MAST4: variants seen among roughly 807,000 people sequenced by gnomAD.
MAST4 encodes the protein microtubule-associated serine/threonine-protein kinase 4.
Under a neutral mutation model 162.7 loss-of-function variants are expected in MAST4, and 89 were observed. The observed-to-expected ratio is 0.55, with a 90% CI of 0.46 to 0.65. The LOEUF (loss-of-function observed/expected upper bound fraction) is 0.65. MAST4 is among the 30% of genes least tolerant of loss of function. The pLI, the probability that MAST4 is intolerant of heterozygous loss-of-function variation, is 0.00. For missense variants in MAST4, 3,153 were observed against 3,374.0 expected, an observed-to-expected ratio of 0.93 and a Z score of 1.62; for synonymous variants, 1,479 against 1,361.1, an observed-to-expected ratio of 1.09 and a Z score of -1.91.
intron 4 of MAST4, among the ~76,000 whole-genome samples, chr5:66,942,417 T>A (rs1196129511): frequency 6.6e-6 from 1 of 152,176 alleles, no homozygotes; most frequent in African/African-American, 2.4e-5. Context: ...GGAATCCCAG[T>A]TAGGTTTCTT....
intron 1 of MAST4, among the ~76,000 whole-genome samples, chr5:66,717,221 G>A (rs914581333): frequency 1.3e-5 from 2 of 152,158 alleles, no homozygotes; most frequent in Non-Finnish European, 2.9e-5. Context: ...CTTGGAGGTG[G>A]AGAGGAGGGA....
intron 4 of MAST4, among the ~76,000 whole-genome samples, chr5:67,003,066 C>G (rs146652883): frequency 6.6e-6 from 1 of 150,698 alleles, no homozygotes; most frequent in Non-Finnish European, 1.5e-5. Flanking sequence ...GAAACTGCTC[C>G]GGAGCACAGG....
intron 26 of MAST4, among the ~76,000 whole-genome samples, chr5:67,159,333 T>G (rs1401449683): frequency 6.6e-6 from 1 of 152,156 alleles, no homozygotes; most frequent in African/African-American, 2.4e-5. Context: ...GGTGGTAAGC[T>G]TCTTAATTTT....
intron 2 of MAST4, among the ~76,000 whole-genome samples, chr5:66,772,253 A>G (rs928798370): frequency 6.6e-6 from 1 of 152,216 alleles, no homozygotes; most frequent in Non-Finnish European, 1.5e-5. Flanking sequence ...GAACCCATTT[A>G]CAGAGTTGGA....
chr5:66,837,024 A>ATGTGTGTGTGTGTGTGTGTGTG (rs56366963), intron 3 of MAST4, among the ~76,000 whole-genome samples: 1 of 150,212 alleles, frequency 6.7e-6, no homozygotes, highest in African/African-American at 2.5e-5. Context: ...ATGCAGGATC[A>ATGTGTGTGTGTGTGTGTGTGTG]TGTGTGTGTG....
At chr5:66,977,037 G>A (rs1458155461) in intron 4 of MAST4, among the ~76,000 whole-genome samples, 2 of 152,176 alleles carry the variant, frequency 1.3e-5, no homozygotes, top group African/African-American at 2.4e-5. Flanking sequence ...GCATTGGGGT[G>A]TAGGGTCAGC....
chr5:67,137,746 A>G (rs1197332122), intron 19 of MAST4, among the ~76,000 whole-genome samples: 12 of 152,218 alleles, frequency 7.9e-5, no homozygotes, highest in African/African-American at 2.2e-4. Context: ...ACAGCCTGGT[A>G]TGGTAAATAA....
intron 1 of MAST4, among the ~76,000 whole-genome samples, chr5:66,677,299 G>A (rs1748010868): frequency 6.6e-6 from 1 of 152,124 alleles, no homozygotes; most frequent in African/African-American, 2.4e-5. Context: ...AGTTACAACG[G>A]CAATCACCAG....
rs549042840 is a variant in MAST4, at chr5:66,993,814, T to G, written c.675-60590T>G. Among the ~76,000 whole-genome samples the G allele has an allele frequency of 2.6e-5, 4 of 152,230 alleles. No individual in the cohort carries two copies. In the South Asian group the frequency reaches 8.3e-4, roughly 32 times the overall value. Reference sequence around the variant, plus strand: ...ATTCCATTAAAAGAGGTTTTGATATTTTTGTGGAGTACCTCTCAAACTTTA... The same window carrying G: ...ATTCCATTAAAAGAGGTTTTGATATGTTTGTGGAGTACCTCTCAAACTTTA... On this transcript the variant is annotated intron_variant, in intron 4 of 28. Coordinates refer to ENST00000403625, the MANE Select transcript of MAST4 (RefSeq NM_001164664.2).
At chr5:66,604,185 T>A (rs764566038) in intron 1 of MAST4, among the ~76,000 whole-genome samples, 8 of 152,220 alleles carry the variant, frequency 5.3e-5, no homozygotes, top group Non-Finnish European at 1.0e-4. Flanking sequence ...GGAACTTGTG[T>A]GAAATTCCTG....
intron 1 of MAST4, among the ~76,000 whole-genome samples, chr5:66,718,703 T>C (rs764924543): frequency 6.6e-5 from 10 of 152,232 alleles, no homozygotes; most frequent in Non-Finnish European, 1.3e-4. Flanking sequence ...CTGGATGTGC[T>C]CTGTTCCGGT....
chr5:66,701,298 T>G (rs1249214600), intron 1 of MAST4, among the ~76,000 whole-genome samples: 1 of 152,218 alleles, frequency 6.6e-6, no homozygotes, highest in East Asian at 1.9e-4. Context: ...TTTAAATACA[T>G]TTTGAGAGAT....
intron 4 of MAST4, among the ~76,000 whole-genome samples, chr5:66,975,739 A>G (rs764559638): frequency 1.2e-3 from 187 of 152,288 alleles, no homozygotes; most frequent in African/African-American, 4.3e-3. Context: ...CATGCCTGTA[A>G]TCCCAGCACT....
intron 26 of MAST4, among the ~76,000 whole-genome samples, chr5:67,154,006 T>C (rs1366397474): frequency 1.3e-5 from 2 of 152,218 alleles, no homozygotes; most frequent in Non-Finnish European, 1.5e-5. Flanking sequence ...CTTTGAAAGA[T>C]AAAATTGTAA....
chr5:66,838,174 C>T (rs1273318756), intron 3 of MAST4, among the ~76,000 whole-genome samples: 1 of 151,918 alleles, frequency 6.6e-6, no homozygotes. Context: ...AAACCACCTC[C>T]AGGGCATGAT....
chr5:67,160,820 C>T (rs1773105355), intron 27 of MAST4, among the ~76,000 whole-genome samples: 1 of 152,136 alleles, frequency 6.6e-6, no homozygotes, highest in East Asian at 1.9e-4. Flanking sequence ...TGTTTTTTAT[C>T]ATGTGTGAAT....
intron 5 of MAST4, among the ~76,000 whole-genome samples, chr5:67,074,880 G>A (rs1216995148): frequency 6.6e-6 from 1 of 152,158 alleles, no homozygotes; most frequent in Non-Finnish European, 1.5e-5. Context: ...TTAAAGGTGA[G>A]CAGTTCTTTT....
intron 3 of MAST4, among the ~76,000 whole-genome samples, chr5:66,789,937 A>G (rs1021123634): frequency 6.9e-5 from 9 of 131,372 alleles, no homozygotes; most frequent in Admixed American, 2.3e-4. Flanking sequence ...GGATTCCCAC[A>G]TTTCTATTTT....
At chr5:66,699,767 G>C (rs575710277) in intron 1 of MAST4, among the ~76,000 whole-genome samples, 88 of 152,028 alleles carry the variant, frequency 5.8e-4, no homozygotes, top group Non-Finnish European at 1.0e-3. Flanking sequence ...TTGGTGGGGC[G>C]GGGGGGAAGG....
Sources: allele counts gnomAD v4.1 joint callset (sites outside exome capture counted in the v4.1 genomes callset), GRCh38; gene constraint gnomAD v4.1.1; transcripts MANE v1.5; gene names NCBI Gene and HGNC (gene_info 2026-07-23, HGNC 2026-07-21).